Variants in DOCK7 observed in about 807,000 individuals in gnomAD.
The protein encoded by DOCK7 is dedicator of cytokinesis 7, also known as dedicator of cytokinesis protein 7.
In DOCK7, 138 loss-of-function variants were observed where a neutral mutation model predicts 271.0. The ratio of observed to expected loss-of-function variants is 0.51; its 90% confidence interval spans 0.44 to 0.59. DOCK7 has a LOEUF of 0.59. Ranked by LOEUF, DOCK7 falls within the 20% of genes least tolerant of loss-of-function variation. The probability of loss-of-function intolerance (pLI) is 0.00; values close to 1 mark genes in which losing one functional copy is unlikely to be tolerated. For missense variants in DOCK7, 2,066 were observed against 2,592.4 expected (o/e 0.80, Z 4.41); for synonymous variants, 823 against 876.1 (o/e 0.94, Z 1.07).
chr1:62,619,103 AAATG>A (rs1372707763), intron 13 of DOCK7, among the ~76,000 whole-genome samples: 6 of 152,168 alleles, frequency 3.9e-5, no homozygotes, highest in Non-Finnish European at 7.4e-5. Context: ...CTTATTAAAT[AAATG>A]AATGGGAATG....
chr1:62,515,327 A>G (rs1395102233), intron 31 of DOCK7, among the ~76,000 whole-genome samples: 1 of 152,112 alleles, frequency 6.6e-6, no homozygotes, highest in African/African-American at 2.4e-5. Context: ...ATTTTGCTAT[A>G]CTGCTTCTGA....
intron 20 of DOCK7, 76 bp downstream of exon 20, chr1:62,558,913 G>GTTT: frequency 1.6e-5 from 15 of 954,134 alleles, no homozygotes; most frequent in South Asian, 1.8e-5. Context: ...TAGAAATCAT[G>GTTT]TTTTTTTTTT....
intron 4 of DOCK7, among the ~76,000 whole-genome samples, chr1:62,651,449 TAAA>T (rs71045850): frequency 5.4e-5 from 7 of 130,134 alleles, no homozygotes; most frequent in South Asian, 2.5e-4. Context: ...TAAAGTATAA[TAAA>T]AAAAAAAAAA....
chr1:62,515,720 A>G (rs1477949519), intron 31 of DOCK7, among the ~76,000 whole-genome samples: 4 of 152,212 alleles, frequency 2.6e-5, no homozygotes, highest in Non-Finnish European at 5.9e-5. Context: ...AACTTTGACC[A>G]ATGATTTTTA....
At chr1:62,528,415 T>C (rs1375252506) in intron 30 of DOCK7, 110 bp from the exon 31 acceptor site, 1 of 964,192 alleles carries the variant, frequency 1.0e-6, no homozygotes. Flanking sequence ...GTTATAGTTA[T>C]TAGATTTACT....
At chr1:62,586,729 A>C in intron 14 of DOCK7, 105 bp from the exon 15 acceptor site, 1 of 604,608 alleles carries the variant, frequency 1.7e-6, no homozygotes, top group Non-Finnish European at 2.8e-6. Context: ...AATTACTGAT[A>C]TTGGCTAGCA....
At chr1:62,601,525 C>T (rs528123846) in intron 14 of DOCK7, among the ~76,000 whole-genome samples, 2 of 151,520 alleles carry the variant, frequency 1.3e-5, no homozygotes, top group Non-Finnish European at 3.0e-5. Flanking sequence ...CACTGGACTC[C>T]AGACTGGTGA....
intron 2 of DOCK7, among the ~76,000 whole-genome samples, chr1:62,662,332 T>C (rs1440233516): frequency 6.6e-6 from 1 of 152,192 alleles, no homozygotes; most frequent in Non-Finnish European, 1.5e-5. Flanking sequence ...GTACTGGGCT[T>C]ACAGTAATAA....
chr1:62,500,283 A>G (rs1457707586), intron 37 of DOCK7, among the ~76,000 whole-genome samples: 1 of 152,226 alleles, frequency 6.6e-6, no homozygotes, highest in East Asian at 1.9e-4. Context: ...AAGTCAAGGA[A>G]AGATGGCAAA....
At chr1:62,655,932 T>A (rs1340900733) in intron 2 of DOCK7, among the ~76,000 whole-genome samples, 2 of 152,160 alleles carry the variant, frequency 1.3e-5, no homozygotes, top group East Asian at 3.8e-4. Flanking sequence ...GAAAATATAA[T>A]AGCCACAAAA....
rs1571294732 is a variant in DOCK7, at chr1:62,495,993, T to C, written c.4924-312A>G. ...AAAGGAAAATTCTCTCCTATATTTC[T>C]GATTTTACTAAAAGGTAGTTTGTAG... On this transcript the variant is annotated intron_variant, in intron 38 of 49. Transcript: ENST00000635253. The C allele has an allele frequency of 5.7e-5, 20 of 352,200 alleles. No individual in the cohort carries two copies. In the East Asian group the frequency reaches 1.2e-3, roughly 21 times the overall value. The allele number at this position is 352,200 out of a possible 1,614,324, so 21.8% of individuals were successfully genotyped here. A position where few individuals can be genotyped will look rare whatever the true frequency, so the allele number is the denominator to read the frequency against.
intron 40 of DOCK7, among the ~76,000 whole-genome samples, 165 bp from the exon 41 acceptor site, chr1:62,493,012 AGAT>A (rs1436192428): frequency 6.6e-6 from 1 of 152,220 alleles, no homozygotes; most frequent in East Asian, 1.9e-4. Context: ...TGTATTTTGA[AGAT>A]GATAATAAAA....
chr1:62,612,550 TA>T (rs576952976), intron 14 of DOCK7, among the ~76,000 whole-genome samples: 14 of 151,298 alleles, frequency 9.3e-5, no homozygotes, highest in South Asian at 2.1e-4. Context: ...AAAATAAAAT[TA>T]AAAAAAAAAT....
chr1:62,680,133 A>G (rs1389114135), intron 1 of DOCK7, among the ~76,000 whole-genome samples: 1 of 152,200 alleles, frequency 6.6e-6, no homozygotes, highest in East Asian at 1.9e-4. Flanking sequence ...CCTGACTTCA[A>G]ACTGTACTAC....
intron 1 of DOCK7, among the ~76,000 whole-genome samples, chr1:62,682,635 A>G (rs1661302284): frequency 6.6e-6 from 1 of 152,236 alleles, no homozygotes; most frequent in African/African-American, 2.4e-5. Flanking sequence ...ATTCAAGTAC[A>G]CATAAGGTAA....
intron 48 of DOCK7, among the ~76,000 whole-genome samples, chr1:62,464,158 C>G (rs568411625): frequency 1.4e-3 from 214 of 152,046 alleles, no homozygotes; most frequent in Non-Finnish European, 2.7e-3. Context: ...CTCCTGGGTC[C>G]AAGGGAGTCT....
intron 4 of DOCK7, 85 bp downstream of exon 4, chr1:62,653,640 G>T: frequency 3.6e-6 from 3 of 839,044 alleles, no homozygotes; most frequent in Non-Finnish European, 5.8e-6. Flanking sequence ...AAATTTTCAG[G>T]TCTCATAAAC....
chr1:62,518,595 C>T (rs1644747439), intron 31 of DOCK7, among the ~76,000 whole-genome samples: 1 of 147,484 alleles, frequency 6.8e-6, no homozygotes, highest in African/African-American at 2.5e-5. Context: ...AAAAAATTAG[C>T]CAGGCGCAGT....
At chr1:62,583,956 A>G (rs1458002962) in intron 15 of DOCK7, 2 of 184,544 alleles carry the variant, frequency 1.1e-5, no homozygotes, top group African/African-American at 2.4e-5. Context: ...TAAATGGCTC[A>G]ATGTCAAGGT....
Sources: allele counts gnomAD v4.1 joint callset (sites outside exome capture counted in the v4.1 genomes callset), GRCh38; gene constraint gnomAD v4.1.1; transcripts MANE v1.5; gene names NCBI Gene and HGNC (gene_info 2026-07-23, HGNC 2026-07-21).